CRPPA: variants seen among roughly 807,000 people sequenced by gnomAD.
CRPPA encodes the protein CDP-L-ribitol pyrophosphorylase A.
CRPPA carries 43 observed loss-of-function variants against 52.0 expected under a neutral mutation model. That is an observed-to-expected ratio of 0.83 (90% CI 0.65 to 1.07). CRPPA has a LOEUF of 1.07. Among genes scored for constraint, CRPPA ranks in the 50% least tolerant of loss-of-function variants. CRPPA has a pLI of 0.00. For synonymous variants in CRPPA, 250 were observed against 203.5 expected (o/e 1.23, Z -1.94); for missense variants, 629 against 551.7 (o/e 1.14, Z -1.40).
chr7:16,397,173 C>T (rs773817323), intron 2 of CRPPA, among the ~76,000 whole-genome samples: 64 of 152,120 alleles, frequency 4.2e-4, no homozygotes, highest in African/African-American at 1.2e-3. Flanking sequence ...GCCAATGACA[C>T]GACACATTAT....
chr7:16,202,928 G>A (rs1482232839), intron 9 of CRPPA, among the ~76,000 whole-genome samples: 1 of 151,812 alleles, frequency 6.6e-6, no homozygotes, highest in Non-Finnish European at 1.5e-5. Context: ...GGAATATACT[G>A]GAAAAAAGAT....
rs955477602 is a variant in CRPPA at position 16,303,555 on chromosome 7, A to T, written c.790-2089T>A. 3.3e-5 allele frequency among the ~76,000 whole-genome samples: 5 copies of T among 150,910 alleles called. No homozygotes were observed. The East Asian group carries it at 9.7e-4, about 29-fold the overall frequency. On this transcript the variant is annotated intron_variant, in intron 4 of 9. Transcript: ENST00000407010. ...TATCTCCAATAATTTAAGGTGACAC[A>T]TAAAGTTCTCCCATCTTTCCCTTCA...
At chr7:16,216,296 A>G in intron 8 of CRPPA, 99 bp from the exon 9 acceptor site, 1 of 693,548 alleles carries the variant, frequency 1.4e-6, no homozygotes, top group South Asian at 2.3e-5. Flanking sequence ...TGATTACAAT[A>G]TTGCAATAAT....
chr7:16,222,487 C>A (rs1267036038), intron 8 of CRPPA, among the ~76,000 whole-genome samples: 2 of 151,508 alleles, frequency 1.3e-5, no homozygotes, highest in Non-Finnish European at 2.9e-5. Flanking sequence ...TGCTAATATT[C>A]TATTTCGCTT....
chr7:16,371,557 C>T (rs1430156871), intron 3 of CRPPA, among the ~76,000 whole-genome samples: 1 of 151,186 alleles, frequency 6.6e-6, no homozygotes, highest in African/African-American at 2.4e-5. Context: ...ACCCACAGTC[C>T]AATCAAAAAA....
chr7:16,336,697 G>A (rs1583529316), intron 3 of CRPPA, among the ~76,000 whole-genome samples: 1 of 152,030 alleles, frequency 6.6e-6, no homozygotes, highest in Admixed American at 6.6e-5. Context: ...GGCAAAAGTG[G>A]TTGGAGTAAA....
At chr7:16,242,735 T>G (rs1027368122) in intron 8 of CRPPA, among the ~76,000 whole-genome samples, 30 of 152,208 alleles carry the variant, frequency 2.0e-4, no homozygotes, top group African/African-American at 5.8e-4. Flanking sequence ...GGATCTAAAC[T>G]TGTAAAATTC....
At chr7:16,130,046 A>G (rs1241790445) in intron 9 of CRPPA, among the ~76,000 whole-genome samples, 1 of 152,164 alleles carries the variant, frequency 6.6e-6, no homozygotes, top group East Asian at 1.9e-4. Context: ...ATCATCTCAG[A>G]TTCCATCCAT....
At chr7:16,229,515 T>C (rs1782736436) in intron 8 of CRPPA, among the ~76,000 whole-genome samples, 2 of 150,010 alleles carry the variant, frequency 1.3e-5, no homozygotes, top group South Asian at 4.2e-4. Context: ...GATGAACACT[T>C]TGATTTTAAC....
At chr7:16,105,067 G>C (rs1170254620) in intron 9 of CRPPA, among the ~76,000 whole-genome samples, 1 of 152,136 alleles carries the variant, frequency 6.6e-6, no homozygotes, top group Admixed American at 6.5e-5. Context: ...TAAAATATAA[G>C]GGAATCCTGG....
intron 6 of CRPPA, among the ~76,000 whole-genome samples, chr7:16,261,675 T>C (rs1783806087): frequency 1.3e-5 from 2 of 152,010 alleles, no homozygotes; most frequent in African/African-American, 4.8e-5. Flanking sequence ...GGAATAAAAA[T>C]TTGGTTCATA....
chr7:16,283,950 A>G (rs1243755338), intron 5 of CRPPA, among the ~76,000 whole-genome samples: 1 of 152,080 alleles, frequency 6.6e-6, no homozygotes, highest in Admixed American at 6.5e-5. Context: ...TAAAATTTTA[A>G]ACAATTTCAA....
intron 6 of CRPPA, among the ~76,000 whole-genome samples, chr7:16,259,614 T>C (rs976477101): frequency 7.2e-5 from 11 of 152,006 alleles, no homozygotes; most frequent in African/African-American, 2.7e-4. Flanking sequence ...GTAAGATTTT[T>C]TATTCCATAT....
intron 2 of CRPPA, among the ~76,000 whole-genome samples, chr7:16,404,578 T>C (rs1787907210): frequency 6.6e-6 from 1 of 151,056 alleles, no homozygotes; most frequent in African/African-American, 2.4e-5. Flanking sequence ...GTGCAATTGT[T>C]ATAGTGAGCT....
chr7:16,291,072 C>T (rs1287773366), intron 5 of CRPPA, among the ~76,000 whole-genome samples: 1 of 151,938 alleles, frequency 6.6e-6, no homozygotes, highest in Admixed American at 6.6e-5. Flanking sequence ...ATCAAAACCA[C>T]ATGAGTTATC....
intron 9 of CRPPA, among the ~76,000 whole-genome samples, chr7:16,164,472 A>G (rs1040732151): frequency 5.9e-5 from 9 of 152,282 alleles, no homozygotes; most frequent in Non-Finnish European, 1.3e-4. Flanking sequence ...TTTAGCTCAG[A>G]GGAGTTTATT....
chr7:16,117,362 G>C (rs1208719696), intron 9 of CRPPA, among the ~76,000 whole-genome samples: 2 of 152,152 alleles, frequency 1.3e-5, no homozygotes, highest in Non-Finnish European at 2.9e-5. Flanking sequence ...TCTACATGTG[G>C]AACTCTGGGT....
intron 2 of CRPPA, among the ~76,000 whole-genome samples, chr7:16,393,213 C>T (rs1201635268): frequency 6.6e-6 from 1 of 152,044 alleles, no homozygotes; most frequent in African/African-American, 2.4e-5. Context: ...TCTTAGGAAA[C>T]ATTAAAAATT....
chr7:16,380,994 G>C (rs952746854), intron 2 of CRPPA, among the ~76,000 whole-genome samples: 78 of 151,240 alleles, frequency 5.2e-4, no homozygotes, highest in African/African-American at 1.9e-3. Context: ...ATTTCCTTCA[G>C]TTCTGCTCTG....
Sources: allele counts gnomAD v4.1 joint callset (sites outside exome capture counted in the v4.1 genomes callset), GRCh38; gene constraint gnomAD v4.1.1; transcripts MANE v1.5; gene names NCBI Gene and HGNC (gene_info 2026-07-23, HGNC 2026-07-21).